Variants in PALM2AKAP2 observed in about 807,000 individuals in gnomAD.
PALM2AKAP2 encodes PALM2-AKAP2 fusion protein.
In PALM2AKAP2, 37 loss-of-function variants were observed where a neutral mutation model predicts 71.5. That is an observed-to-expected ratio of 0.52 (90% CI 0.40 to 0.68). The LOEUF (loss-of-function observed/expected upper bound fraction) is 0.68, where lower values mean the gene tolerates loss of function less well. PALM2AKAP2 is among the 30% of genes least tolerant of loss of function. The pLI, the probability that PALM2AKAP2 is intolerant of heterozygous loss-of-function variation, is 0.00. For missense variants in PALM2AKAP2, 1,224 were observed against 1,191.8 expected, an observed-to-expected ratio of 1.03 and a Z score of -0.40; for synonymous variants, 468 against 478.8, an observed-to-expected ratio of 0.98 and a Z score of 0.29.
chr9:110,055,206 A>T lies in PALM2AKAP2; in HGVS notation c.156+6351A>T, dbSNP rs260224. Among the ~76,000 whole-genome samples the T allele has an allele frequency of 2.0e-5, 3 of 148,514 alleles. No individual in the cohort carries two copies. The South Asian group carries it at 6.5e-4, about 32-fold the overall frequency. On this transcript the variant is annotated intron_variant, in intron 1 of 3. Coordinates refer to ENST00000374525, the Ensembl canonical transcript of PALM2AKAP2. ...TAAATTTTTATTTATTTATTTATTTATTTTTTGAGACAGAGTTTTGCTCTT... is the reference window on the plus strand; with the variant it reads ...TAAATTTTTATTTATTTATTTATTTTTTTTTTGAGACAGAGTTTTGCTCTT...
intron 1 of PALM2AKAP2, among the ~76,000 whole-genome samples, chr9:110,087,765 G>T (rs528060121): frequency 6.6e-6 from 1 of 152,212 alleles, no homozygotes; most frequent in Non-Finnish European, 1.5e-5. Context: ...GCCAGTTACT[G>T]TTCTAGGCAT....
chr9:109,983,423 C>T (rs1398534470), intron 6 of PALM2AKAP2, among the ~76,000 whole-genome samples: 1 of 151,822 alleles, frequency 6.6e-6, no homozygotes, highest in Non-Finnish European at 1.5e-5. Flanking sequence ...CTTCTTTTTC[C>T]TTCTCACCCC....
intron 1 of PALM2AKAP2, among the ~76,000 whole-genome samples, chr9:109,795,404 A>G (rs1422960650): frequency 6.6e-6 from 1 of 152,244 alleles, no homozygotes. Context: ...TTTATTTTCT[A>G]GAATCCCTCA....
chr9:109,779,598 T>C (rs796564613), upstream of PALM2AKAP2, among the ~76,000 whole-genome samples: 4 of 152,320 alleles, frequency 2.6e-5, no homozygotes, highest in African/African-American at 9.6e-5. Context: ...TAACACATTG[T>C]GAAATCTAGT....
chr9:109,829,587 A>G (rs1341202353), intron 1 of PALM2AKAP2, among the ~76,000 whole-genome samples: 2 of 151,554 alleles, frequency 1.3e-5, no homozygotes, highest in East Asian at 3.9e-4. Context: ...AATATGAAGT[A>G]TTCCTTTCTG....
At chr9:109,696,807 T>C (rs746069626) in intron 1 of PALM2AKAP2, among the ~76,000 whole-genome samples, 4 of 152,168 alleles carry the variant, frequency 2.6e-5, no homozygotes, top group Non-Finnish European at 5.9e-5. Context: ...GACCAGGAAC[T>C]TCCTCACCTG....
At chr9:109,964,165 G>A (rs542252742) in intron 6 of PALM2AKAP2, among the ~76,000 whole-genome samples, 13 of 152,366 alleles carry the variant, frequency 8.5e-5, no homozygotes, top group African/African-American at 2.9e-4. Flanking sequence ...ATCTATTTGT[G>A]CACTTGCTCC....
chr9:109,853,229 G>A (rs1829068368), intron 1 of PALM2AKAP2, among the ~76,000 whole-genome samples: 1 of 151,944 alleles, frequency 6.6e-6, no homozygotes, highest in Admixed American at 6.6e-5. Context: ...ACTGCGCGTG[G>A]CACCTGTAAA....
At chr9:110,126,212 A>G (rs74660156) in intron 1 of PALM2AKAP2, among the ~76,000 whole-genome samples, 2,479 of 152,164 alleles carry the variant, frequency 0.016, 68 homozygotes, top group African/African-American at 0.055. Flanking sequence ...TTAACCACAA[A>G]TGCATCTGGC....
chr9:109,956,321 A>C (rs1040958291), intron 6 of PALM2AKAP2, among the ~76,000 whole-genome samples: 4 of 152,140 alleles, frequency 2.6e-5, no homozygotes, highest in Non-Finnish European at 5.9e-5. Context: ...AATTACATTT[A>C]AGATGATAAT....
intron 1 of PALM2AKAP2, among the ~76,000 whole-genome samples, chr9:110,133,026 T>C (rs1285718437): frequency 6.6e-6 from 1 of 152,192 alleles, no homozygotes. Flanking sequence ...TTTCAAACAA[T>C]TGCAAAAGTA....
intron 1 of PALM2AKAP2, among the ~76,000 whole-genome samples, chr9:109,734,860 A>G (rs533371310): frequency 9.2e-5 from 14 of 152,056 alleles, no homozygotes; most frequent in Non-Finnish European, 1.8e-4. Context: ...CCAAATAATC[A>G]CGAGGACCTT....
chr9:109,747,559 G>A (rs1828821072), intron 1 of PALM2AKAP2, among the ~76,000 whole-genome samples: 1 of 152,214 alleles, frequency 6.6e-6, no homozygotes, highest in Admixed American at 6.5e-5. Context: ...CTGAGTAGAA[G>A]GCATAATCAA....
intron 3 of PALM2AKAP2, among the ~76,000 whole-genome samples, chr9:109,902,912 G>T (rs1243013661): frequency 6.6e-6 from 1 of 152,166 alleles, no homozygotes; most frequent in Non-Finnish European, 1.5e-5. Context: ...TCCCTACTCA[G>T]TTCTCACTCA....
intron 3 of PALM2AKAP2, among the ~76,000 whole-genome samples, chr9:109,895,846 A>G (rs1244810993): frequency 1.3e-5 from 2 of 152,160 alleles, no homozygotes; most frequent in Non-Finnish European, 2.9e-5. Context: ...AAGGGGAAGC[A>G]AACACATCCT....
intron 1 of PALM2AKAP2, among the ~76,000 whole-genome samples, chr9:110,113,384 G>A (rs747724529): frequency 3.3e-5 from 5 of 151,540 alleles, no homozygotes; most frequent in Admixed American, 1.3e-4. Flanking sequence ...AACTACAGGC[G>A]TGCACCACCA....
chr9:110,054,860 T>G (rs1833799071), intron 1 of PALM2AKAP2, among the ~76,000 whole-genome samples: 1 of 152,214 alleles, frequency 6.6e-6, no homozygotes. Flanking sequence ...ATTCCCAAAG[T>G]GCTGGGATAA....
chr9:109,660,655 A>G (rs1008343200), intron 1 of PALM2AKAP2, among the ~76,000 whole-genome samples: 3 of 152,176 alleles, frequency 2.0e-5, no homozygotes, highest in African/African-American at 7.2e-5. Context: ...CGCAATAAAT[A>G]TACGTGTGCA....
At chr9:110,137,293 C>T in exon 2 of PALM2AKAP2, 1 of 1,614,218 alleles carries the variant, frequency 6.2e-7, no homozygotes, top group Non-Finnish European at 8.5e-7. Flanking sequence ...TGTTCTCCAT[C>T]AAGCCTTTCT....
Sources: gnomAD v4.1 joint callset for allele counts (sites outside exome capture counted in the v4.1 genomes callset) on GRCh38, gnomAD v4.1.1 for gene constraint, MANE v1.5 for transcripts, NCBI Gene and HGNC (gene_info 2026-07-23, HGNC 2026-07-21) for gene names.